The following LOXHD1 variants were observed in gnomAD, a reference collection of about 807,000 sequenced individuals.
The protein encoded by LOXHD1 is lipoxygenase homology domain-containing protein 1.
In LOXHD1, 205 loss-of-function variants were observed where a neutral mutation model predicts 248.2. That is an observed-to-expected ratio of 0.83 (90% CI 0.74 to 0.93). LOXHD1 has a LOEUF of 0.93. Ranked by LOEUF, LOXHD1 falls within the 40% of genes least tolerant of loss-of-function variation. LOXHD1 has a pLI of 0.00. For synonymous variants in LOXHD1, 1,113 were observed against 1,162.8 expected, an observed-to-expected ratio of 0.96 and a Z score of 0.87; for missense variants, 2,930 against 2,971.6, an observed-to-expected ratio of 0.99 and a Z score of 0.33.
intron 4 of LOXHD1, among the ~76,000 whole-genome samples, chr18:46,626,703 C>T (rs543457811): frequency 6.6e-6 from 1 of 152,258 alleles, no homozygotes; most frequent in Admixed American, 6.5e-5. Flanking sequence ...GAAGGAAATT[C>T]ACCAAAATGT....
At position 46,520,677 on chromosome 18, in the gene LOXHD1, T is replaced by C. The variant is rs913446053; in HGVS notation, c.5271+420A>G. 3.7e-5 allele frequency: 9 copies of C among 242,214 alleles called. No homozygotes were observed. The Admixed American group carries it at 4.6e-4, about 12-fold the overall frequency. 15.0% of individuals were successfully genotyped at this position (242,214 alleles called of 1,614,324 possible). On this transcript the variant is annotated intron_variant, in intron 33 of 40. Transcript: ENST00000642948. ...TTCACAGTATCCCAGATGCCATCTT[T>C]CCTATCACCACTCTACTGCTGTTGA...
intron 37 of LOXHD1, 89 bp from the exon 38 acceptor site, chr18:46,489,231 T>C: frequency 1.5e-6 from 2 of 1,376,304 alleles, no homozygotes; most frequent in Admixed American, 4.0e-5. Flanking sequence ...ATTGGCTGTG[T>C]GGCCCTGGAC....
chr18:46,545,796 A>AT (rs1240066963), intron 22 of LOXHD1, among the ~76,000 whole-genome samples: 2 of 149,796 alleles, frequency 1.3e-5, no homozygotes, highest in African/African-American at 5.0e-5. Flanking sequence ...CGCCCGGCTA[A>AT]TTTTTTGTAT....
At chr18:46,484,450 T>G (rs1309601768) in intron 39 of LOXHD1, among the ~76,000 whole-genome samples, 2 of 152,122 alleles carry the variant, frequency 1.3e-5, no homozygotes, top group Admixed American at 6.5e-5. Context: ...TTCTGCCATG[T>G]GAGGACACAG....
intron 2 of LOXHD1, among the ~76,000 whole-genome samples, chr18:46,648,437 T>C (rs921985574): frequency 5.3e-5 from 8 of 152,226 alleles, no homozygotes; most frequent in Non-Finnish European, 1.0e-4. Flanking sequence ...TTTCATGGAC[T>C]CAGACCAGCT....
chr18:46,563,134 G>T lies in LOXHD1; in HGVS notation c.2529C>A (p.Gly843=). Residue 843 remains glycine, a synonymous_variant, in exon 18 of 41, where the codon GGC becomes GGA. Transcript: ENST00000642948. ...RVYMQIYGEK[G]KTEVLFLSSR... Reference sequence around the variant, plus strand: ...TGGAGAGGAAGAGCACTTCTGTCTTGCCTTTCTCTCCATAGATCTGCATGT... The same window carrying T: ...TGGAGAGGAAGAGCACTTCTGTCTTTCCTTTCTCTCCATAGATCTGCATGT... 1 of 1,546,646 alleles carries T rather than the reference G, an allele frequency of 6.5e-7. No individual in the cohort carries two copies. Among genetic ancestry groups the T allele is most frequent in the Non-Finnish European group, 8.8e-7 (1 of 1,142,738 alleles).
intron 1 of LOXHD1, among the ~76,000 whole-genome samples, chr18:46,652,033 A>G (rs983543931): frequency 2.6e-5 from 4 of 152,256 alleles, no homozygotes; most frequent in Admixed American, 6.5e-5. Flanking sequence ...GTATATCTGT[A>G]CAACAGAATG....
At position 46,521,151 on chromosome 18, in the gene LOXHD1, G is replaced by A. The variant is rs926173298; in HGVS notation, c.5217C>T (p.Ile1739=). The A allele has an allele frequency of 6.4e-7, 1 of 1,551,738 alleles. No individual in the cohort carries two copies. Among genetic ancestry groups the A allele is most frequent in the South Asian group, 1.2e-5 (1 of 84,054 alleles). The stretch of plus-strand genomic sequence containing the variant: ...CCAAGAGGTCGAAGACACGGGAGGT[G>A]ATGCCGTCGCCTCTGTCCTTGGCCA... The part of the protein sequence containing the change: ...CWLAKDRGDG[I]TSRVFDLLDA... The change falls in exon 33 of 41, where the codon ATC becomes ATT. Residue 1739 remains isoleucine, a synonymous_variant. Coordinates refer to ENST00000642948, the MANE Select transcript of LOXHD1 (RefSeq NM_001384474.1).
rs1407267783 is a variant in LOXHD1, at chr18:46,593,619, C to T, written c.1412G>A (p.Gly471Asp). 1.2e-5 allele frequency: 19 copies of T among 1,552,186 alleles called. No homozygotes were observed. The highest frequency in any genetic ancestry group is 2.4e-5 in the East Asian group (1 of 40,934). ...TCCTACCCTAAACTTCTCGATTATGCCGGGTTTGAACCACTTGTTGTTGGG... is the reference window on the plus strand; with the variant it reads ...TCCTACCCTAAACTTCTCGATTATGTCGGGTTTGAACCACTTGTTGTTGGG... ...LNPNNKWFKPGIIEKFRIELP... is the reference protein window; with the variant it reads ...LNPNNKWFKPDIIEKFRIELP... Residue 471 changes from glycine to aspartate, a missense_variant, in exon 10 of 41, where the codon GGC becomes GAC. Transcript: ENST00000642948.
At chr18:46,487,533 C>T (rs747113770) in intron 38 of LOXHD1, among the ~76,000 whole-genome samples, 1 of 152,192 alleles carries the variant, frequency 6.6e-6, no homozygotes, top group Non-Finnish European at 1.5e-5. Flanking sequence ...CCACGGTTTA[C>T]GCTGAGGAGC....
intron 19 of LOXHD1, 34 bp downstream of exon 19, chr18:46,560,049 C>CCCGG: frequency 1.6e-4 from 89 of 555,530 alleles, no homozygotes; most frequent in Middle Eastern, 3.2e-4. Flanking sequence ...TCTGGCCACT[C>CCCGG]CCTCCCCACC....
At chr18:46,538,458 C>T (rs767856733) in intron 25 of LOXHD1, 121 bp from the exon 26 acceptor site, 15 of 984,262 alleles carry the variant, frequency 1.5e-5, no homozygotes, top group African/African-American at 9.6e-5. Flanking sequence ...AACTGCTGCC[C>T]GGGGAACTGC....
rs145481026 is a variant in LOXHD1, at chr18:46,552,744, A to C, written c.3350+4612T>G. 3.0e-3 allele frequency among the ~76,000 whole-genome samples: 453 copies of C among 152,240 alleles called. 4 individuals carry two copies. The highest frequency in any genetic ancestry group is 0.01 in the African/African-American group (429 of 41,536). ...CCTCCCTGTAAAATCTGGCCAACCA[A>C]AAGCCTGGGTGTGTTTTCAAGCTCC... On this transcript the variant is annotated intron_variant, in intron 21 of 40. Coordinates refer to ENST00000642948, the MANE Select transcript of LOXHD1 (RefSeq NM_001384474.1).
intron 15 of LOXHD1, among the ~76,000 whole-genome samples, chr18:46,570,319 C>A (rs1283177941): frequency 6.6e-6 from 1 of 152,206 alleles, no homozygotes; most frequent in Non-Finnish European, 1.5e-5. Flanking sequence ...CAAGGCAAGA[C>A]CCCAAGTCCT....
intron 2 of LOXHD1, among the ~76,000 whole-genome samples, chr18:46,648,782 C>T (rs1037119845): frequency 6.6e-6 from 1 of 152,176 alleles, no homozygotes; most frequent in African/African-American, 2.4e-5. Flanking sequence ...CTCACAGCTC[C>T]CTCAGATGTA....
chr18:46,509,797 G>A lies in LOXHD1; in HGVS notation c.5418C>T (p.Asn1806=), dbSNP rs1172174089. ...CTAGGATCTCCATGATGAAGGTGTC[G>A]TTCTGCTCCCGCTCAAACCTGGGGG... is the stretch of plus-strand genomic sequence containing the variant. ...KKKARFEREQ[N]DTFIMEILDI... Residue 1806 remains asparagine (N), a synonymous_variant, in exon 35 of 41, where the codon AAC becomes AAT. Coordinates refer to ENST00000642948, the MANE Select transcript of LOXHD1 (RefSeq NM_001384474.1). The A allele has an allele frequency of 2.3e-5, 34 of 1,480,194 alleles. No homozygotes were observed. Among genetic ancestry groups the A allele is most frequent in the East Asian group, 8.4e-5 (3 of 35,538 alleles). The allele number at this position is 1,480,194 out of a possible 1,614,324, so 91.7% of individuals were successfully genotyped here.
intron 12 of LOXHD1, among the ~76,000 whole-genome samples, chr18:46,584,005 G>T (rs187291656): frequency 6.6e-6 from 1 of 152,048 alleles, no homozygotes; most frequent in African/African-American, 2.4e-5. Context: ...AATGCAATAC[G>T]ATTCAGCCAC....
chr18:46,616,647 A>G (rs1037395343), intron 5 of LOXHD1, among the ~76,000 whole-genome samples: 18 of 152,302 alleles, frequency 1.2e-4, no homozygotes, highest in South Asian at 6.2e-4. Flanking sequence ...TTGTTTAAGC[A>G]TATGAATGGT....
intron 4 of LOXHD1, among the ~76,000 whole-genome samples, chr18:46,618,905 G>T (rs150226216): frequency 6.6e-6 from 1 of 152,334 alleles, no homozygotes; most frequent in Non-Finnish European, 1.5e-5. Flanking sequence ...ACCTGTATCT[G>T]CTTCCTGTAT....
Sources: allele counts gnomAD v4.1 joint callset (sites outside exome capture counted in the v4.1 genomes callset), GRCh38; gene constraint gnomAD v4.1.1; transcripts MANE v1.5; gene names NCBI Gene and HGNC (gene_info 2026-07-23, HGNC 2026-07-21).